KLHL1: variants seen among roughly 807,000 people sequenced by gnomAD.
KLHL1 encodes the protein kelch-like protein 1.
KLHL1 carries 47 observed loss-of-function variants against 77.7 expected under a neutral mutation model. The ratio of observed to expected loss-of-function variants is 0.60; its 90% CI spans 0.48 to 0.77. The LOEUF is 0.77. Ranked by LOEUF, KLHL1 falls within the 30% of genes least tolerant of loss-of-function variation. KLHL1 has a pLI of 0.00. For synonymous variants in KLHL1, 360 were observed against 325.2 expected, an observed-to-expected ratio of 1.11 and a Z score of -1.15; for missense variants, 925 against 910.8, an observed-to-expected ratio of 1.02 and a Z score of -0.20.
intron 1 of KLHL1, among the ~76,000 whole-genome samples, chr13:70,027,566 C>T (rs548794866): frequency 5.3e-4 from 81 of 151,428 alleles, no homozygotes; most frequent in African/African-American, 1.9e-3. Context: ...GTTGATATTG[C>T]TTTTCTACCA....
At chr13:70,092,240 T>C (rs1887687000) in intron 1 of KLHL1, among the ~76,000 whole-genome samples, 1 of 152,186 alleles carries the variant, frequency 6.6e-6, no homozygotes, top group Admixed American at 6.6e-5. Context: ...TAACTGGGTA[T>C]GTAGCAATAA....
intron 4 of KLHL1, among the ~76,000 whole-genome samples, chr13:69,912,757 T>C (rs181484677): frequency 6.6e-6 from 1 of 152,262 alleles, no homozygotes; most frequent in African/African-American, 2.4e-5. Context: ...TTCTGTCGTC[T>C]AGCCTTTTCT....
At chr13:70,072,527 G>C (rs937858022) in intron 1 of KLHL1, among the ~76,000 whole-genome samples, 1 of 152,106 alleles carries the variant, frequency 6.6e-6, no homozygotes, top group Non-Finnish European at 1.5e-5. Context: ...TTGTAGATAT[G>C]TGCGAAATCC....
chr13:69,837,080 A>T (rs1440818380), intron 6 of KLHL1, among the ~76,000 whole-genome samples: 1 of 151,928 alleles, frequency 6.6e-6, no homozygotes, highest in Non-Finnish European at 1.5e-5. Flanking sequence ...AATTTTTTTG[A>T]CAAGACAGTA....
intron 5 of KLHL1, among the ~76,000 whole-genome samples, chr13:69,858,725 T>C (rs1163103403): frequency 6.6e-6 from 1 of 152,080 alleles, no homozygotes; most frequent in African/African-American, 2.4e-5. Context: ...ATATTCAATG[T>C]ACTGAAGATA....
chr13:70,056,792 A>G (rs1886754681), intron 1 of KLHL1, among the ~76,000 whole-genome samples: 1 of 152,090 alleles, frequency 6.6e-6, no homozygotes, highest in Admixed American at 6.6e-5. Context: ...TGGAAACACA[A>G]TGTACAAAAA....
rs572186707 is a variant in KLHL1, at chr13:69,730,594, T to C, written c.1802+9800A>G. On this transcript the variant is annotated intron_variant, in intron 8 of 10. Transcript: ENST00000377844. ...CATCCATTCCTTTTTTTTTCCTGGATACAGGATCTTGCTCTATCACCCAGG... is the reference window on the plus strand; with the variant it reads ...CATCCATTCCTTTTTTTTTCCTGGACACAGGATCTTGCTCTATCACCCAGG... 6.6e-5 allele frequency among the ~76,000 whole-genome samples: 10 copies of C among 152,146 alleles called. No homozygotes were observed. The South Asian group carries it at 1.7e-3, about 25-fold the overall frequency.
At chr13:69,949,212 T>C (rs1442578754) in intron 3 of KLHL1, among the ~76,000 whole-genome samples, 1 of 151,878 alleles carries the variant, frequency 6.6e-6, no homozygotes, top group African/African-American at 2.4e-5. Flanking sequence ...TTTTTTTCTT[T>C]TCTTACCTAA....
intron 4 of KLHL1, among the ~76,000 whole-genome samples, chr13:69,902,914 A>G (rs1396374157): frequency 6.6e-6 from 1 of 152,194 alleles, no homozygotes; most frequent in Non-Finnish European, 1.5e-5. Flanking sequence ...ATAAAAAATA[A>G]ATAAATAGAT....
chr13:70,058,462 A>G (rs1361478321), intron 1 of KLHL1, among the ~76,000 whole-genome samples: 1 of 152,204 alleles, frequency 6.6e-6, no homozygotes, highest in African/African-American at 2.4e-5. Context: ...AAATAAAAAT[A>G]CTAATCCCAC....
At chr13:69,726,844 G>A (rs1272303628) in intron 8 of KLHL1, among the ~76,000 whole-genome samples, 3 of 152,076 alleles carry the variant, frequency 2.0e-5, no homozygotes. Context: ...TATAATGTAA[G>A]CTCTCTGAGG....
In KLHL1 at chr13:69,796,811, A is replaced by T. The variant is rs1415001914; in HGVS notation, c.1566T>A (p.Thr522=). 6.2e-7 allele frequency: 1 copy of T among 1,614,168 alleles called. No homozygotes were observed. Among genetic ancestry groups the T allele is most frequent in the South Asian group, 1.1e-5 (1 of 91,090 alleles). ...GGRDGLKTLN[T]VECYNPKTKT... ...TGGTTTTGGGATTGTAACATTCAAC[A>T]GTGTTCAATGTCTTTAAGCCATCTC... Residue 522 remains threonine, a synonymous_variant, in exon 7 of 11, where the codon ACT becomes ACA. Transcript: ENST00000377844.
At chr13:69,915,608 A>G (rs1429486544) in intron 4 of KLHL1, among the ~76,000 whole-genome samples, 2 of 152,214 alleles carry the variant, frequency 1.3e-5, no homozygotes, top group Non-Finnish European at 2.9e-5. Context: ...TGGATTAAAG[A>G]CTTAAATGTT....
rs1873757097 is a variant in KLHL1, at chr13:69,736,261, C to T, written c.1802+4133G>A. ...TAGACAATTCTCAAAAGAACATATA[C>T]AAATGAGGAACAAACATATGAAAAA... On this transcript the variant is annotated intron_variant, in intron 8 of 10. Coordinates refer to ENST00000377844, the MANE Select transcript of KLHL1 (RefSeq NM_020866.3). Among the ~76,000 whole-genome samples the T allele has an allele frequency of 2.6e-5, 4 of 152,034 alleles. No homozygotes were observed. In the South Asian group the frequency reaches 8.3e-4, roughly 31 times the overall value.
chr13:70,085,437 A>T (rs570945385), intron 1 of KLHL1, among the ~76,000 whole-genome samples: 1 of 152,326 alleles, frequency 6.6e-6, no homozygotes, highest in South Asian at 2.1e-4. Flanking sequence ...AAAAAGAAAC[A>T]TGTAAGTCAA....
At chr13:70,071,402 C>T (rs1441750812) in intron 1 of KLHL1, among the ~76,000 whole-genome samples, 1 of 151,978 alleles carries the variant, frequency 6.6e-6, no homozygotes, top group Non-Finnish European at 1.5e-5. Context: ...GATAAACCCC[C>T]TATGTTACAG....
At position 70,009,609 on chromosome 13, in the gene KLHL1, G is replaced by C. The variant is rs192328220; in HGVS notation, c.498-33807C>G. On this transcript the variant is annotated intron_variant, in intron 1 of 10. Transcript: ENST00000377844. ...GTAGTGAGAGTTGGAAAAGAAGTAT[G>C]GACGTTGAAATATTGGCTGTGTTAC... Among the ~76,000 whole-genome samples, 5 of 152,202 alleles carry C rather than the reference G, an allele frequency of 3.3e-5. No individual in the cohort carries two copies. In the East Asian group the frequency reaches 9.7e-4, roughly 29 times the overall value.
chr13:69,714,428 A>G (rs1380393632), intron 9 of KLHL1, among the ~76,000 whole-genome samples: 1 of 152,154 alleles, frequency 6.6e-6, no homozygotes, highest in Non-Finnish European at 1.5e-5. Flanking sequence ...TATACCCAGG[A>G]AATCTGAATG....
intron 5 of KLHL1, among the ~76,000 whole-genome samples, chr13:69,842,099 A>G (rs1240391289): frequency 6.6e-6 from 1 of 151,994 alleles, no homozygotes; most frequent in Non-Finnish European, 1.5e-5. Flanking sequence ...ACACTAGAAG[A>G]AAACCTAGAG....
Sources: allele counts gnomAD v4.1 joint callset (sites outside exome capture counted in the v4.1 genomes callset), GRCh38; gene constraint gnomAD v4.1.1; transcripts MANE v1.5; gene names NCBI Gene and HGNC (gene_info 2026-07-23, HGNC 2026-07-21).